The following TRIM4 variants were observed in gnomAD, a reference collection of about 807,000 sequenced individuals.
TRIM4 encodes tripartite motif containing 4, also known as E3 ubiquitin-protein ligase TRIM4.
TRIM4 carries 29 observed loss-of-function variants against 33.7 expected under a neutral mutation model. The ratio of observed to expected loss-of-function variants is 0.86; its 90% CI spans 0.64 to 1.17. The LOEUF (loss-of-function observed/expected upper bound fraction) is 1.17. Among genes scored for constraint, TRIM4 ranks in the 50% most tolerant of loss-of-function variants. The pLI, the probability that TRIM4 is intolerant of heterozygous loss-of-function variation, is 0.00. For missense variants in TRIM4, 554 were observed against 593.7 expected, an observed-to-expected ratio of 0.93 and a Z score of 0.69; for synonymous variants, 224 against 233.0, an observed-to-expected ratio of 0.96 and a Z score of 0.35.
In TRIM4 at chr7:99,892,306, T is replaced by A. The variant is rs1176681925; in HGVS notation, c.1282A>T (p.Thr428Ser). The A allele has an allele frequency of 6.2e-7, 1 of 1,613,940 alleles. No homozygotes were observed. The highest frequency in any genetic ancestry group is 8.5e-7 in the Non-Finnish European group (1 of 1,180,012). ...GCGCTGTAGAAGGAGACATTCCCAG[T>A]CCCACGATCCAGGTAAACCCCCACT... ...HRVGVYLDRG[T>S]GNVSFYSAVD... Residue 428 changes from threonine (T) to serine (S), a missense_variant, in exon 6 of 6, where the codon ACT (threonine) becomes TCT (serine). Thr to Ser is a moderately conservative substitution (Grantham distance 58, BLOSUM62 1). Transcript: ENST00000349062.
At chr7:99,916,757 A>T in intron 1 of TRIM4, 1 of 781,042 alleles carries the variant, frequency 1.3e-6, no homozygotes, top group Non-Finnish European at 2.4e-6. Context: ...CCATTCATCC[A>T]CGTGGATGTC....
intron 3 of TRIM4, among the ~76,000 whole-genome samples, chr7:99,906,368 T>C (rs1429945006): frequency 6.6e-6 from 1 of 152,110 alleles, no homozygotes; most frequent in Non-Finnish European, 1.5e-5. Flanking sequence ...TACTTTTTTT[T>C]TTTAAATAGA....
intron 3 of TRIM4, 57 bp downstream of exon 3, chr7:99,908,525 G>C (rs34395561): frequency 0.026 from 36,030 of 1,382,758 alleles, 576 homozygotes; most frequent in Middle Eastern, 0.051. Flanking sequence ...CAGCTCTAAA[G>C]ACAAGAGAGA....
intron 5 of TRIM4, among the ~76,000 whole-genome samples, chr7:99,896,772 C>T (rs1276844968): frequency 2.0e-5 from 3 of 152,214 alleles, no homozygotes; most frequent in Non-Finnish European, 4.4e-5. Context: ...ATGGGTGGGG[C>T]CCACCAGGTG....
chr7:99,895,333 AT>A (rs1462249537), intron 5 of TRIM4, among the ~76,000 whole-genome samples: 1 of 152,082 alleles, frequency 6.6e-6, no homozygotes, highest in Non-Finnish European at 1.5e-5. Context: ...TAAAAAGTCT[AT>A]TATTTAGATT....
intron 5 of TRIM4, chr7:99,901,791 G>A: frequency 3.5e-6 from 1 of 283,452 alleles, no homozygotes; most frequent in Non-Finnish European, 6.5e-6. Flanking sequence ...CTCCAGCCTT[G>A]AGTAGATTTT....
At chr7:99,903,358 AG>A in intron 4 of TRIM4, 43 bp from the exon 5 acceptor site, 1 of 1,491,628 alleles carries the variant, frequency 6.7e-7, no homozygotes, top group Non-Finnish European at 9.3e-7. Flanking sequence ...CAACTAGGGT[AG>A]CCAAGACCTC....
chr7:99,906,360 CT>C (rs771031368), intron 3 of TRIM4, among the ~76,000 whole-genome samples: 128 of 146,210 alleles, frequency 8.8e-4, no homozygotes, highest in Non-Finnish European at 1.1e-3. Context: ...GAGTGTCATA[CT>C]TTTTTTTTTT....
intron 1 of TRIM4, among the ~76,000 whole-genome samples, chr7:99,913,793 T>C (rs1819496903): frequency 6.6e-6 from 1 of 152,244 alleles, no homozygotes; most frequent in Non-Finnish European, 1.5e-5. Context: ...CATACTTTTA[T>C]AGAATGAAGA....
intron 1 of TRIM4, among the ~76,000 whole-genome samples, chr7:99,913,351 G>C (rs887638366): frequency 5.9e-5 from 9 of 152,132 alleles, no homozygotes; most frequent in African/African-American, 2.2e-4. Context: ...TTCAATCTGG[G>C]TTAGAAATAC....
At chr7:99,904,361 A>T (rs938017866) in intron 3 of TRIM4, among the ~76,000 whole-genome samples, 34 of 152,160 alleles carry the variant, frequency 2.2e-4, no homozygotes, top group Non-Finnish European at 8.8e-5. Context: ...ACTCCTCAAA[A>T]CTTTCAAGAT....
intron 5 of TRIM4, among the ~76,000 whole-genome samples, chr7:99,897,843 CA>C (rs1341498748): frequency 2.2e-4 from 33 of 152,214 alleles, no homozygotes; most frequent in Non-Finnish European, 8.8e-5. Context: ...AGGCCACTGC[CA>C]GGGGTGGTGC....
chr7:99,908,875 C>T, intron 2 of TRIM4, 63 bp from the exon 3 acceptor site: 2 of 1,448,292 alleles, frequency 1.4e-6, no homozygotes, highest in South Asian at 1.2e-5. Flanking sequence ...AAATTCCTTA[C>T]ACAATTCCCC....
chr7:99,907,353 A>C (rs187273255), intron 3 of TRIM4, among the ~76,000 whole-genome samples: 7,616 of 152,148 alleles, frequency 0.05, 264 homozygotes, highest in Middle Eastern at 0.071. Context: ...CAGGTGATCC[A>C]CCCACCTCAA....
At chr7:99,913,603 G>A (rs1563088738) in intron 1 of TRIM4, among the ~76,000 whole-genome samples, 2 of 152,056 alleles carry the variant, frequency 1.3e-5, no homozygotes, top group Non-Finnish European at 2.9e-5. Context: ...CCCGGGAGGT[G>A]GAGGTTGCAG....
At chr7:99,895,490 T>C (rs374955547) in intron 5 of TRIM4, among the ~76,000 whole-genome samples, 7 of 152,204 alleles carry the variant, frequency 4.6e-5, no homozygotes, top group Non-Finnish European at 8.8e-5. Flanking sequence ...GGAAAATGTT[T>C]CACGTACACT....
chr7:99,898,966 G>A (rs779362890), intron 5 of TRIM4, among the ~76,000 whole-genome samples: 3 of 152,136 alleles, frequency 2.0e-5, no homozygotes, highest in South Asian at 2.1e-4. Context: ...AGTTTCTAAC[G>A]CTGCTGCAGC....
In TRIM4 at chr7:99,899,156, A is replaced by G. The variant is rs183344817; in HGVS notation, c.841+4062T>C. Reference sequence around the variant, plus strand: ...TATGGTCTAAGAAGACTGTGTATTCAGAGTTCTGAGCTAAAGAATCCAGGA... The same window carrying G: ...TATGGTCTAAGAAGACTGTGTATTCGGAGTTCTGAGCTAAAGAATCCAGGA... On this transcript the variant is annotated intron_variant, in intron 5 of 5. Transcript: ENST00000349062. Among the ~76,000 whole-genome samples the G allele has an allele frequency of 7.8e-4, 119 of 152,318 alleles. No individual in the cohort carries two copies. In the East Asian group the frequency reaches 0.018, roughly 23 times the overall value.
At chr7:99,918,424 G>C (rs1481782588) in intron 1 of TRIM4, among the ~76,000 whole-genome samples, 1 of 152,068 alleles carries the variant, frequency 6.6e-6, no homozygotes, top group African/African-American at 2.4e-5. Context: ...AATTAACCGG[G>C]TGTGGTGGCG....
Sources: gnomAD v4.1 joint callset for allele counts (sites outside exome capture counted in the v4.1 genomes callset) on GRCh38, gnomAD v4.1.1 for gene constraint, MANE v1.5 for transcripts, NCBI Gene and HGNC (gene_info 2026-07-23, HGNC 2026-07-21) for gene names.